The following PATE3 variants were observed in gnomAD, a reference collection of about 807,000 sequenced individuals.
The protein encoded by PATE3 is prostate and testis expressed protein 3.
A neutral mutation model predicts 7.4 loss-of-function variants in PATE3; 7 were observed. The ratio of observed to expected loss-of-function variants is 0.95; its 90% confidence interval spans 0.54 to 1.78. The LOEUF (loss-of-function observed/expected upper bound fraction) is 1.78. Among genes scored for constraint, PATE3 ranks in the 40% most tolerant of loss-of-function variants. The pLI is 0.00. For synonymous variants in PATE3, 38 were observed against 40.2 expected, an observed-to-expected ratio of 0.94 and a Z score of 0.21; for missense variants, 117 against 122.5, an observed-to-expected ratio of 0.96 and a Z score of 0.21.
At position 125,788,145 on chromosome 11, in the gene PATE3, G is replaced by C; in HGVS notation, c.-7G>C. The C allele has an allele frequency of 6.4e-7, 1 of 1,551,154 alleles. No individual in the cohort carries two copies. Among genetic ancestry groups the C allele is most frequent in the Non-Finnish European group, 8.7e-7 (1 of 1,146,674 alleles). On this transcript the variant is annotated 5_prime_UTR_variant, in exon 1 of 3. Coordinates refer to ENST00000445202, the MANE Select transcript of PATE3 (RefSeq NM_001129883.4). Reference sequence around the variant, plus strand: ...CTTTTTCCTGCACAAGGGATTTCCGGGTCAGGATGAACAAACACTTCTTGT... The same window carrying C: ...CTTTTTCCTGCACAAGGGATTTCCGCGTCAGGATGAACAAACACTTCTTGT...
At chr11:125,790,163 G>A (rs501527) in intron 2 of PATE3, among the ~76,000 whole-genome samples, 43,835 of 152,088 alleles carry the variant, frequency 0.29, 6,454 homozygotes, top group South Asian at 0.4. Context: ...AGAGGATGAA[G>A]ACAGTCTGGT....
At position 125,788,191 on chromosome 11, in the gene PATE3, CT is replaced by C; in HGVS notation, c.41del (p.Leu14ProfsTer5). 1 of 1,551,330 alleles carries C rather than the reference CT, an allele frequency of 6.4e-7. No homozygotes were observed. The highest frequency in any genetic ancestry group is 8.7e-7 in the Non-Finnish European group (1 of 1,146,750). On this transcript the variant is annotated frameshift_variant, in exon 1 of 3. Transcript: ENST00000445202. LOFTEE classifies it high-confidence loss of function. ...HFLFLFLLYCLIVAVTSLQCI... is the reference protein window; with the variant it reads ...HFLFLFLLYCXIVAVTSLQCI... ...CTTGTTCCTCTTCCTCCTTTACTGC[CT>C]CATTGTGGGTGAGTCCTGGACCTGA...
At chr11:125,790,349 G>A in intron 2 of PATE3, 129 bp from the exon 3 acceptor site, 1 of 902,092 alleles carries the variant, frequency 1.1e-6, no homozygotes, top group Non-Finnish European at 1.6e-6. Flanking sequence ...CTTTTAGGGA[G>A]TATAAGCTGG....
Position 125,791,223 on chromosome 11 carries a change from C to G in PATE3, c.*621C>G, listed in dbSNP as rs1008018062. On this transcript the variant is annotated 3_prime_UTR_variant, in exon 3 of 3. Transcript: ENST00000445202. ...GAGCTCTCACACAGCCACTGCTACTCCTATCGAGATGTACATTCAAGGTAC... is the reference window on the plus strand; with the variant it reads ...GAGCTCTCACACAGCCACTGCTACTGCTATCGAGATGTACATTCAAGGTAC... 1 of 144,566 alleles carries G rather than the reference C, an allele frequency of 6.9e-6. No homozygotes were observed. Among genetic ancestry groups the G allele is most frequent in the Non-Finnish European group, 1.6e-5 (1 of 62,474 alleles). 9.0% of individuals were successfully genotyped at this position (144,566 alleles called of 1,614,324 possible). A position where few individuals can be genotyped will look rare whatever the true frequency, so the allele number is the denominator to read the frequency against.
intron 1 of PATE3, 53 bp from the exon 2 acceptor site, chr11:125,789,333 A>G: frequency 6.6e-7 from 1 of 1,509,134 alleles, no homozygotes; most frequent in Non-Finnish European, 9.0e-7. Flanking sequence ...TTCTAACTCC[A>G]TCCCAAGTCC....
At chr11:125,790,440 A>G (rs1943600322) in intron 2 of PATE3, 38 bp from the exon 3 acceptor site, 2 of 1,536,718 alleles carry the variant, frequency 1.3e-6, no homozygotes, top group Admixed American at 4.0e-5. Flanking sequence ...GAGAGCTTAA[A>G]TCAAATGCTT....
At chr11:125,789,073 C>T (rs1943588498) in intron 1 of PATE3, among the ~76,000 whole-genome samples, 1 of 152,120 alleles carries the variant, frequency 6.6e-6, no homozygotes, top group Non-Finnish European at 1.5e-5. Context: ...TCTAGTAGGC[C>T]AGGCTAGCAT....
intron 1 of PATE3, among the ~76,000 whole-genome samples, chr11:125,788,818 T>A (rs1318768883): frequency 6.6e-6 from 1 of 152,174 alleles, no homozygotes; most frequent in Non-Finnish European, 1.5e-5. Flanking sequence ...AATGGGATGC[T>A]CAATCATTGC....
chr11:125,790,982 TC>T lies in PATE3; in HGVS notation c.*383del, dbSNP rs1943606240. 2 of 156,334 alleles carry T rather than the reference TC, an allele frequency of 1.3e-5. No individual in the cohort carries two copies. Among genetic ancestry groups the T allele is most frequent in the Admixed American group, 6.5e-5 (1 of 15,356 alleles). The allele number at this position is 156,334 out of a possible 1,614,324, so 9.7% of individuals were successfully genotyped here. On this transcript the variant is annotated 3_prime_UTR_variant, in exon 3 of 3. Transcript: ENST00000445202. ...AATTCACAATATTTTTATCTAAAAT[TC>T]CCATGTATCCGGAGAATGACTAAGC...
At chr11:125,789,308 C>T in intron 1 of PATE3, 78 bp from the exon 2 acceptor site, 1 of 1,413,288 alleles carries the variant, frequency 7.1e-7, no homozygotes. Context: ...TCATTCCCCA[C>T]CTCCATCTGA....
At chr11:125,788,906 A>G (rs1227895885) in intron 1 of PATE3, among the ~76,000 whole-genome samples, 1 of 152,220 alleles carries the variant, frequency 6.6e-6, no homozygotes. Context: ...CACCCCGCAG[A>G]ACCTCATAAA....
At position 125,788,277 on chromosome 11, in the gene PATE3, A is replaced by T. The variant is rs909370022; in HGVS notation, c.49+77A>T. 6 of 1,380,002 alleles carry T rather than the reference A, an allele frequency of 4.3e-6. No homozygotes were observed. In the African/African-American group the frequency reaches 5.8e-5, roughly 13 times the overall value. The allele number at this position is 1,380,002 out of a possible 1,614,324, so 85.5% of individuals were successfully genotyped here. A position where few individuals can be genotyped will look rare whatever the true frequency, so the allele number is the denominator to read the frequency against. On this transcript the variant is annotated intron_variant, in intron 1 of 2. Coordinates refer to ENST00000445202, the MANE Select transcript of PATE3 (RefSeq NM_001129883.4). ...CAGGGAAACTACATGTGTAGCATGC[A>T]TCCATGCAGGGCTGAGCTTTGGCCA...
At chr11:125,790,367 T>C (rs747732053) in intron 2 of PATE3, 111 bp from the exon 3 acceptor site, 554 of 1,106,226 alleles carry the variant, frequency 5.0e-4, no homozygotes, top group Non-Finnish European at 6.5e-4. Context: ...TGGGAAGCCA[T>C]TCCTCAACCT....
At chr11:125,789,715 T>G (rs954193041) in intron 2 of PATE3, among the ~76,000 whole-genome samples, 2 of 152,186 alleles carry the variant, frequency 1.3e-5, no homozygotes, top group Non-Finnish European at 2.9e-5. Context: ...CCAAGAAAAC[T>G]GACCAAACAG....
At position 125,788,148 on chromosome 11, in the gene PATE3, C is replaced by A; in HGVS notation, c.-4C>A. 2 of 1,551,278 alleles carry A rather than the reference C, an allele frequency of 1.3e-6. No individual in the cohort carries two copies. Among genetic ancestry groups the A allele is most frequent in the South Asian group, 2.4e-5 (2 of 84,014 alleles). On this transcript the variant is annotated 5_prime_UTR_variant, in exon 1 of 3. Coordinates refer to ENST00000445202, the MANE Select transcript of PATE3 (RefSeq NM_001129883.4). ...TTTCCTGCACAAGGGATTTCCGGGTCAGGATGAACAAACACTTCTTGTTCC... is the reference window on the plus strand; with the variant it reads ...TTTCCTGCACAAGGGATTTCCGGGTAAGGATGAACAAACACTTCTTGTTCC...
At chr11:125,788,362 T>G (rs1357469650) in intron 1 of PATE3, among the ~76,000 whole-genome samples, 162 bp downstream of exon 1, 1 of 152,154 alleles carries the variant, frequency 6.6e-6, no homozygotes, top group East Asian at 1.9e-4. Context: ...CTGACAACTC[T>G]TCCATCCTTT....
At chr11:125,788,286 G>A in intron 1 of PATE3, 86 bp downstream of exon 1, 6 of 1,313,100 alleles carry the variant, frequency 4.6e-6, no homozygotes, top group Non-Finnish European at 5.3e-6. Context: ...CATCCATGCA[G>A]GGCTGAGCTT....
Position 125,788,190 on chromosome 11 carries a change from C to A in PATE3, c.39C>A (p.Cys13Ter). 6.4e-7 allele frequency: 1 copy of A among 1,551,344 alleles called. No individual in the cohort carries two copies. Among genetic ancestry groups the A allele is most frequent in the Non-Finnish European group, 8.7e-7 (1 of 1,146,732 alleles). The change falls in exon 1 of 3, where the codon TGC becomes TGA. Residue 13 changes from cysteine (C) to a stop codon, truncating the protein, a stop_gained. Transcript: ENST00000445202. LOFTEE classifies it high-confidence loss of function. ...TCTTGTTCCTCTTCCTCCTTTACTG[C>A]CTCATTGTGGGTGAGTCCTGGACCT... is the stretch of plus-strand genomic sequence containing the variant. ...KHFLFLFLLY[C>*]LIVAVTSLQC...
rs1363242747 is a variant in PATE3, at chr11:125,788,168, T to G, written c.17T>G (p.Leu6Trp). The change falls in exon 1 of 3, where the codon TTG becomes TGG. Residue 6 changes from leucine to tryptophan, a missense_variant. Physicochemically the swap from Leu to Trp is moderately conservative, Grantham distance 61 (BLOSUM62 -2). Transcript: ENST00000445202. The stretch of plus-strand genomic sequence containing the variant: ...CGGGTCAGGATGAACAAACACTTCT[T>G]GTTCCTCTTCCTCCTTTACTGCCTC... MNKHF[L>W]FLFLLYCLIV... The G allele has an allele frequency of 4.5e-6, 7 of 1,551,468 alleles. No individual in the cohort carries two copies. In the African/African-American group the frequency reaches 6.8e-5, roughly 15 times the overall value.
Sources: allele counts gnomAD v4.1 joint callset (sites outside exome capture counted in the v4.1 genomes callset), GRCh38; gene constraint gnomAD v4.1.1; transcripts MANE v1.5; gene names NCBI Gene and HGNC (gene_info 2026-07-23, HGNC 2026-07-21).